Variants in LIPM observed in about 807,000 individuals in gnomAD.
The protein encoded by LIPM is lipase member M.
A neutral mutation model predicts 42.4 loss-of-function variants in LIPM; 42 were observed. The observed-to-expected ratio is 0.99, with a 90% CI of 0.77 to 1.28. The LOEUF is 1.28. Ranked by LOEUF, LIPM falls within the 50% of genes most tolerant of loss-of-function variation. The probability of loss-of-function intolerance (pLI) is 0.00; values close to 1 mark genes in which losing one functional copy is unlikely to be tolerated. For synonymous variants in LIPM, 177 were observed against 173.3 expected, an observed-to-expected ratio of 1.02 and a Z score of -0.17; for missense variants, 524 against 520.1, an observed-to-expected ratio of 1.01 and a Z score of -0.07.
chr10:88,803,075 T>C, intron 1 of LIPM, 32 bp downstream of exon 1: 1 of 1,542,898 alleles, frequency 6.5e-7, no homozygotes, highest in Non-Finnish European at 8.8e-7. Flanking sequence ...ATGAGGTACT[T>C]AACATGTTAA....
Position 88,817,815 on chromosome 10 carries a change from C to T in LIPM, c.931-10C>T. On this transcript the variant is annotated splice_polypyrimidine_tract_variant and intron_variant, in intron 7 of 8. Coordinates refer to ENST00000404743, the MANE Select transcript of LIPM (RefSeq NM_001128215.1). ...GTTGGAATTCCTTGTAAATTTTTGT[C>T]TCCTTTTAGGCAGTGAATTCTGGTG... 1.3e-6 allele frequency: 2 copies of T among 1,549,616 alleles called. No homozygotes were observed. Among genetic ancestry groups the T allele is most frequent in the South Asian group, 1.2e-5 (1 of 84,006 alleles).
At chr10:88,812,194 A>G (rs115250004) in intron 2 of LIPM, among the ~76,000 whole-genome samples, 3,347 of 152,272 alleles carry the variant, frequency 0.022, 138 homozygotes, top group African/African-American at 0.075. Flanking sequence ...GAATAACCCA[A>G]AAGTGAAGTT....
In LIPM at chr10:88,813,163, T is replaced by C; in HGVS notation, c.332T>C (p.Leu111Pro). 6.2e-7 allele frequency: 1 copy of C among 1,613,076 alleles called. No homozygotes were observed. The highest frequency in any genetic ancestry group is 1.1e-5 in the South Asian group (1 of 90,966). ...GGTGCTAGCAACTGGATTTCCAACC[T>C]GCCCAACAATAGCCTGGGCTTCATT... ...VGGASNWISNLPNNSLGFILA... is the reference protein window; with the variant it reads ...VGGASNWISNPPNNSLGFILA... The change falls in exon 3 of 9, where the codon CTG (leucine) becomes CCG (proline). Residue 111 changes from leucine (L) to proline (P), a missense_variant. Transcript: ENST00000404743.
chr10:88,819,636 A>G (rs1843763096), intron 8 of LIPM, among the ~76,000 whole-genome samples: 3 of 152,220 alleles, frequency 2.0e-5, no homozygotes, highest in Admixed American at 1.3e-4. Flanking sequence ...TAATTGGTAT[A>G]TTTGGTGGGG....
chr10:88,808,329 G>A lies in LIPM; in HGVS notation c.179G>A (p.Cys60Tyr), dbSNP rs1439605550. ...ATCATCCAACATCAAGGCTATCCCTGTGAGGAATATGAAGTCGCAACTGAA... is the reference window on the plus strand; with the variant it reads ...ATCATCCAACATCAAGGCTATCCCTATGAGGAATATGAAGTCGCAACTGAA... Reference protein sequence around the residue: ...SEIIQHQGYPCEEYEVATEDG... With the variant: ...SEIIQHQGYPYEEYEVATEDG... The change falls in exon 2 of 9, where the codon TGT becomes TAT. Residue 60 changes from cysteine (C) to tyrosine (Y), a missense_variant. Cys to Tyr is a radical substitution (Grantham distance 194). Transcript: ENST00000404743. The A allele has an allele frequency of 1.3e-6, 2 of 1,550,290 alleles. No homozygotes were observed. The highest frequency in any genetic ancestry group is 8.7e-7 in the Non-Finnish European group (1 of 1,145,838).
intron 3 of LIPM, 55 bp downstream of exon 3, chr10:88,813,350 G>T: frequency 7.3e-7 from 1 of 1,367,430 alleles, no homozygotes; most frequent in South Asian, 1.6e-5. Context: ...AAAAAAAATG[G>T]GTAAAAAATT....
Position 88,802,791 on chromosome 10 carries a change from GA to G in LIPM, c.-104del. 8.4e-7 allele frequency: 1 copy of G among 1,183,832 alleles called. No individual in the cohort carries two copies. Among genetic ancestry groups the G allele is most frequent in the Non-Finnish European group, 1.2e-6 (1 of 855,762 alleles). The allele number at this position is 1,183,832 out of a possible 1,614,324, so 73.3% of individuals were successfully genotyped here. On this transcript the variant is annotated 5_prime_UTR_variant, in exon 1 of 9. Coordinates refer to ENST00000404743, the MANE Select transcript of LIPM (RefSeq NM_001128215.1). ...TAATTTGCTTCAGAATTGGAAGAGGGAATTGCAGCAGGAAAATATGTGAAGA... is the reference window on the plus strand; with the variant it reads ...TAATTTGCTTCAGAATTGGAAGAGGGATTGCAGCAGGAAAATATGTGAAGA...
chr10:88,803,660 G>A (rs989317901), intron 1 of LIPM, among the ~76,000 whole-genome samples: 1 of 132,722 alleles, frequency 7.5e-6, no homozygotes, highest in East Asian at 2.2e-4. Flanking sequence ...CAAATTCTAA[G>A]CTGGGTTTTA....
In LIPM at chr10:88,814,595, A is replaced by G. The variant is rs1413925607; in HGVS notation, c.530A>G (p.Gln177Arg). ...VINFILQKTG[Q>R]EKIYYVGYSQ... ...AACTTTATTTTGCAGAAAACGGGCC[A>G]GGAAAAGATCTATTATGTCGGCTAT... Residue 177 changes from glutamine to arginine, a missense_variant, in exon 4 of 9, where the codon CAG becomes CGG. Transcript: ENST00000404743. The G allele has an allele frequency of 1.9e-6, 3 of 1,552,044 alleles. No homozygotes were observed. The South Asian group carries it at 3.6e-5, about 18-fold the overall frequency.
At chr10:88,806,994 AT>A (rs1194960505) in intron 1 of LIPM, among the ~76,000 whole-genome samples, 3 of 151,922 alleles carry the variant, frequency 2.0e-5, no homozygotes, top group African/African-American at 7.3e-5. Flanking sequence ...CGGCCTATAC[AT>A]TTTTTTAAGG....
intron 1 of LIPM, 51 bp from the exon 2 acceptor site, chr10:88,808,244 TGAG>T: frequency 1.0e-6 from 1 of 990,014 alleles, no homozygotes; most frequent in Non-Finnish European, 1.6e-6. Context: ...TTTGGATCAT[TGAG>T]AATATGGCCA....
intron 1 of LIPM, 119 bp from the exon 2 acceptor site, chr10:88,808,179 G>A: frequency 1.6e-6 from 1 of 620,024 alleles, no homozygotes; most frequent in Non-Finnish European, 2.9e-6. Flanking sequence ...TGATTAGCTA[G>A]GGAAAAGCAA....
rs925241290 is a variant in LIPM, at chr10:88,813,261, C to A, written c.430C>A (p.Leu144Ile). The A allele has an allele frequency of 3.7e-6, 6 of 1,611,250 alleles. No individual in the cohort carries two copies. In the African/African-American group the frequency reaches 6.7e-5, roughly 18 times the overall value. ...GNAWSRKHKT[L>I]SIDQDEFWAF... ...CGCCTGGTCTCGAAAACACAAGACA[C>A]TCTCCATAGACCAAGATGAGTTCTG... Residue 144 changes from leucine (L) to isoleucine (I), a missense_variant, in exon 3 of 9, where the codon CTC (leucine) becomes ATC (isoleucine). Leu to Ile is a conservative substitution (Grantham distance 5, BLOSUM62 2). Transcript: ENST00000404743.
chr10:88,804,490 G>A (rs1200035713), intron 1 of LIPM, among the ~76,000 whole-genome samples: 1 of 152,140 alleles, frequency 6.6e-6, no homozygotes, highest in Non-Finnish European at 1.5e-5. Flanking sequence ...AGTTTGAACT[G>A]GTTCTGAGGT....
At chr10:88,809,831 C>G (rs528619439) in intron 2 of LIPM, among the ~76,000 whole-genome samples, 2 of 152,212 alleles carry the variant, frequency 1.3e-5, no homozygotes, top group East Asian at 3.9e-4. Context: ...ACATGTCTAG[C>G]GTGCACCTGC....
chr10:88,808,271 C>A (rs1205669434), intron 1 of LIPM, 27 bp from the exon 2 acceptor site: 20 of 1,324,798 alleles, frequency 1.5e-5, no homozygotes, highest in African/African-American at 2.9e-5. Flanking sequence ...AGAACTGAAC[C>A]TAAAAGAAAT....
chr10:88,815,267 C>A (rs1286002956), intron 5 of LIPM, 43 bp downstream of exon 5: 1 of 1,547,402 alleles, frequency 6.5e-7, no homozygotes, highest in East Asian at 2.4e-5. Flanking sequence ...GTAGAAAAAT[C>A]TTCCAGCCCA....
intron 5 of LIPM, 51 bp downstream of exon 5, chr10:88,815,275 C>T (rs1843705197): frequency 4.5e-6 from 7 of 1,547,108 alleles, no homozygotes; most frequent in Middle Eastern, 1.7e-4. Context: ...ATCTTCCAGC[C>T]CAATTTCCTA....
At chr10:88,805,705 A>G (rs1269296021) in intron 1 of LIPM, among the ~76,000 whole-genome samples, 1 of 152,204 alleles carries the variant, frequency 6.6e-6, no homozygotes, top group Non-Finnish European at 1.5e-5. Context: ...CCCTTCTACA[A>G]CATCATTTCA....
Sources: allele counts gnomAD v4.1 joint callset (sites outside exome capture counted in the v4.1 genomes callset), GRCh38; gene constraint gnomAD v4.1.1; transcripts MANE v1.5; gene names NCBI Gene and HGNC (gene_info 2026-07-23, HGNC 2026-07-21).